The following CCSER2 variants were observed in gnomAD, a reference collection of about 807,000 sequenced individuals.
CCSER2 encodes coiled-coil serine rich protein 2, also known as serine-rich coiled-coil domain-containing protein 2.
CCSER2 carries 46 observed loss-of-function variants against 92.3 expected under a neutral mutation model. The ratio of observed to expected loss-of-function variants is 0.50; its 90% CI spans 0.39 to 0.64. CCSER2 has a LOEUF of 0.64. Among genes scored for constraint, CCSER2 ranks in the 30% least tolerant of loss-of-function variants. CCSER2 has a pLI of 0.00. For missense variants in CCSER2, 1,244 were observed against 1,238.9 expected (o/e 1.00, Z -0.06); for synonymous variants, 433 against 431.4 (o/e 1.00, Z -0.04).
At chr10:84,447,888 C>T (rs1845024864) in intron 6 of CCSER2, among the ~76,000 whole-genome samples, 1 of 152,110 alleles carries the variant, frequency 6.6e-6, no homozygotes. Context: ...CTTACTGCAG[C>T]CTCGACCTCC....
intron 1 of CCSER2, among the ~76,000 whole-genome samples, chr10:84,343,530 T>C (rs1844318381): frequency 3.3e-5 from 5 of 152,190 alleles, no homozygotes; most frequent in Non-Finnish European, 7.3e-5. Context: ...ACACAAAATA[T>C]AGTTTTGAGT....
At chr10:84,510,364 G>A (rs1407452201) in intron 9 of CCSER2, among the ~76,000 whole-genome samples, 4 of 151,962 alleles carry the variant, frequency 2.6e-5, no homozygotes, top group Non-Finnish European at 5.9e-5. Context: ...TTTTCTTTTT[G>A]TTCCCATATG....
At chr10:84,425,114 A>T in intron 4 of CCSER2, 1 of 981,900 alleles carries the variant, frequency 1.0e-6, no homozygotes. Flanking sequence ...TTTGGGTTTA[A>T]GGGAGTGTAC....
intron 6 of CCSER2, among the ~76,000 whole-genome samples, chr10:84,457,264 ATT>A (rs1845707923): frequency 3.6e-5 from 1 of 27,976 alleles, no homozygotes; most frequent in Admixed American, 6.2e-4. Flanking sequence ...TATAAAATAT[ATT>A]ATATATAATA....
At chr10:84,396,165 ATTTTC>A (rs1012401950) in intron 3 of CCSER2, among the ~76,000 whole-genome samples, 12 of 145,454 alleles carry the variant, frequency 8.3e-5, no homozygotes, top group Non-Finnish European at 1.6e-4. Context: ...ACCACAATAT[ATTTTC>A]TTAGTTATTC....
intron 1 of CCSER2, among the ~76,000 whole-genome samples, chr10:84,363,472 A>G (rs1845617525): frequency 6.6e-6 from 1 of 152,212 alleles, no homozygotes; most frequent in African/African-American, 2.4e-5. Flanking sequence ...GTAACTGCTT[A>G]TACGTGTGTA....
chr10:84,429,327 C>T (rs993067567), intron 5 of CCSER2, among the ~76,000 whole-genome samples: 4 of 152,072 alleles, frequency 2.6e-5, no homozygotes, highest in African/African-American at 9.7e-5. Flanking sequence ...TTCTGCTTCT[C>T]ATATATCTCT....
chr10:84,351,273 C>T (rs1377448881), intron 1 of CCSER2, among the ~76,000 whole-genome samples: 1 of 151,898 alleles, frequency 6.6e-6, no homozygotes, highest in African/African-American at 2.4e-5. Context: ...CAGAGTCTTC[C>T]TCTGTCACCC....
chr10:84,420,932 C>CAA (rs59244448), intron 4 of CCSER2, among the ~76,000 whole-genome samples: 14 of 84,808 alleles, frequency 1.7e-4, no homozygotes, highest in African/African-American at 4.2e-4. Context: ...GACTCCATCT[C>CAA]AAAAAAAAAA....
At chr10:84,387,242 T>C (rs61865047) in intron 3 of CCSER2, among the ~76,000 whole-genome samples, 32,235 of 152,052 alleles carry the variant, frequency 0.21, 3,644 homozygotes, top group Admixed American at 0.34. Flanking sequence ...CTCCCCTCCC[T>C]CTAAGGGTTA....
chr10:84,404,253 A>C (rs893894705), intron 3 of CCSER2, among the ~76,000 whole-genome samples: 4 of 152,144 alleles, frequency 2.6e-5, no homozygotes, highest in Admixed American at 2.0e-4. Flanking sequence ...TAATTTCACT[A>C]TGCCAACCCC....
chr10:84,509,967 G>T (rs987127066), intron 9 of CCSER2, among the ~76,000 whole-genome samples: 2 of 151,936 alleles, frequency 1.3e-5, no homozygotes, highest in Admixed American at 1.3e-4. Flanking sequence ...TGACAATTTC[G>T]TCCCCACTGG....
chr10:84,404,568 G>A (rs1482794174), intron 3 of CCSER2, among the ~76,000 whole-genome samples: 1 of 152,186 alleles, frequency 6.6e-6, no homozygotes, highest in African/African-American at 2.4e-5. Flanking sequence ...GGCCACCACA[G>A]TCGAGCATGT....
chr10:84,344,288 A>G (rs1421830026), intron 1 of CCSER2, among the ~76,000 whole-genome samples: 2 of 152,244 alleles, frequency 1.3e-5, no homozygotes, highest in Non-Finnish European at 2.9e-5. Context: ...CTCATTCTAA[A>G]TGTATTTTGC....
At chr10:84,402,076 G>C (rs1364186538) in intron 3 of CCSER2, among the ~76,000 whole-genome samples, 1 of 152,092 alleles carries the variant, frequency 6.6e-6, no homozygotes, top group Non-Finnish European at 1.5e-5. Flanking sequence ...CTCTCTACCT[G>C]CTTGTGCTCC....
chr10:84,480,001 G>A (rs1847366872), intron 9 of CCSER2, among the ~76,000 whole-genome samples: 1 of 152,152 alleles, frequency 6.6e-6, no homozygotes, highest in South Asian at 2.1e-4. Flanking sequence ...AGAAGACTTA[G>A]CAGTATACTG....
At chr10:84,512,877 G>A (rs1258593964) in intron 9 of CCSER2, among the ~76,000 whole-genome samples, 2 of 152,164 alleles carry the variant, frequency 1.3e-5, no homozygotes, top group Non-Finnish European at 2.9e-5. Flanking sequence ...AAATAGGTTA[G>A]CATTAGCTAA....
intron 3 of CCSER2, among the ~76,000 whole-genome samples, chr10:84,384,974 C>G (rs1474626666): frequency 1.3e-5 from 2 of 150,236 alleles, no homozygotes; most frequent in African/African-American, 4.9e-5. Context: ...CAAACAGAAC[C>G]AAATTGAGAG....
chr10:84,333,683 A>G (rs571711754), intron 1 of CCSER2, among the ~76,000 whole-genome samples: 6 of 152,348 alleles, frequency 3.9e-5, no homozygotes, highest in African/African-American at 1.4e-4. Flanking sequence ...TGAAATATTC[A>G]TGTGAGAAAT....
Sources: allele counts gnomAD v4.1 joint callset (sites outside exome capture counted in the v4.1 genomes callset), GRCh38; gene constraint gnomAD v4.1.1; transcripts MANE v1.5; gene names NCBI Gene and HGNC (gene_info 2026-07-23, HGNC 2026-07-21).